HECTD2: variants seen among roughly 807,000 people sequenced by gnomAD.
HECTD2 encodes probable E3 ubiquitin-protein ligase HECTD2.
Under a neutral mutation model 103.2 loss-of-function variants are expected in HECTD2, and 35 were observed. That is an observed-to-expected ratio of 0.34 (90% confidence interval 0.26 to 0.45). The LOEUF (loss-of-function observed/expected upper bound fraction) is 0.45, where lower values mean the gene tolerates loss of function less well. HECTD2 is among the 20% of genes least tolerant of loss of function. HECTD2 has a pLI of 1.00. For synonymous variants in HECTD2, 281 were observed against 329.9 expected (o/e 0.85, Z 1.61); for missense variants, 596 against 937.4 (o/e 0.64, Z 4.76).
intron 12 of HECTD2, among the ~76,000 whole-genome samples, 197 bp downstream of exon 12, chr10:91,491,504 C>A (rs1846477267): frequency 6.6e-6 from 1 of 152,046 alleles, no homozygotes; most frequent in Non-Finnish European, 1.5e-5. Flanking sequence ...TCATAATTGT[C>A]TTATATTCAT....
At chr10:91,493,390 A>G in intron 13 of HECTD2, 30 bp from the exon 14 acceptor site, 1 of 1,256,980 alleles carries the variant, frequency 8.0e-7, no homozygotes, top group Non-Finnish European at 1.1e-6. Flanking sequence ...CAATCATGTT[A>G]ATAATAACAT....
chr10:91,494,697 A>G (rs1846602325), intron 14 of HECTD2, among the ~76,000 whole-genome samples: 1 of 152,020 alleles, frequency 6.6e-6, no homozygotes. Context: ...ACGCTTAACA[A>G]TTCTGAGACT....
chr10:91,469,381 CCCTATCAGGCT>C (rs1290324146), intron 5 of HECTD2, among the ~76,000 whole-genome samples: 3 of 152,174 alleles, frequency 2.0e-5, no homozygotes, highest in African/African-American at 7.2e-5. Context: ...CTAGTGAGAA[CCCTATCAGGCT>C]AACAGCAGAC....
intron 13 of HECTD2, 24 bp downstream of exon 13, chr10:91,492,508 T>C (rs775222235): frequency 6.4e-7 from 1 of 1,554,962 alleles, no homozygotes; most frequent in Non-Finnish European, 8.8e-7. Context: ...CTAATTTTTA[T>C]AAACTGTGTT....
At chr10:91,410,766 T>G (rs1842887664) in intron 1 of HECTD2, among the ~76,000 whole-genome samples, 190 bp downstream of exon 1, 1 of 152,164 alleles carries the variant, frequency 6.6e-6, no homozygotes, top group African/African-American at 2.4e-5. Context: ...CCCGAACACT[T>G]CGCGAGGTAC....
intron 14 of HECTD2, among the ~76,000 whole-genome samples, chr10:91,495,960 A>G (rs1347915632): frequency 6.6e-6 from 1 of 152,182 alleles, no homozygotes; most frequent in African/African-American, 2.4e-5. Flanking sequence ...GTGATCTTAG[A>G]TAAACTTTTC....
At chr10:91,470,361 C>G (rs1481596787) in intron 5 of HECTD2, among the ~76,000 whole-genome samples, 1 of 152,068 alleles carries the variant, frequency 6.6e-6, no homozygotes, top group Non-Finnish European at 1.5e-5. Context: ...TATCAACCAC[C>G]ATTGCACAAT....
chr10:91,479,594 C>T (rs1286916963), intron 6 of HECTD2, among the ~76,000 whole-genome samples: 10 of 152,104 alleles, frequency 6.6e-5, no homozygotes, highest in African/African-American at 2.4e-4. Context: ...TTTACCTAAC[C>T]ATTCTCCAAG....
chr10:91,417,395 A>G (rs1736800548), intron 1 of HECTD2, among the ~76,000 whole-genome samples: 1 of 151,852 alleles, frequency 6.6e-6, no homozygotes, highest in African/African-American at 2.4e-5. Context: ...TTACACTTTA[A>G]GTTTTAGGGT....
At position 91,410,427 on chromosome 10, in the gene HECTD2, G is replaced by T. The variant is rs1458474539; in HGVS notation, c.-12G>T. 1.4e-6 allele frequency: 2 copies of T among 1,383,026 alleles called. No homozygotes were observed. Among genetic ancestry groups the T allele is most frequent in the Non-Finnish European group, 1.9e-6 (2 of 1,070,834 alleles). 85.7% of individuals were successfully genotyped at this position (1,383,026 alleles called of 1,614,324 possible). A position where few individuals can be genotyped will look rare whatever the true frequency, so the allele number is the denominator to read the frequency against. Reference sequence around the variant, plus strand: ...GCCGCCGCCGCCTGGCGCTCCCGCCGCCCGGCCCGACATGAGTGAGGCGGT... The same window carrying T: ...GCCGCCGCCGCCTGGCGCTCCCGCCTCCCGGCCCGACATGAGTGAGGCGGT... On this transcript the variant is annotated 5_prime_UTR_variant, in exon 1 of 21. Transcript: ENST00000298068.
chr10:91,433,930 A>G (rs934377088), intron 2 of HECTD2, among the ~76,000 whole-genome samples: 4 of 152,002 alleles, frequency 2.6e-5, no homozygotes, highest in African/African-American at 9.7e-5. Context: ...TCTGTAAGGT[A>G]TGTCCAGATT....
chr10:91,496,104 AAGTC>A (rs1337266784), intron 14 of HECTD2, 106 bp from the exon 15 acceptor site: 5 of 589,922 alleles, frequency 8.5e-6, no homozygotes, highest in African/African-American at 7.5e-5. Flanking sequence ...ACTAATTAGA[AAGTC>A]AGTGTTAAAT....
chr10:91,511,296 G>A (rs1436868565), intron 20 of HECTD2, among the ~76,000 whole-genome samples: 2 of 152,060 alleles, frequency 1.3e-5, no homozygotes, highest in African/African-American at 2.4e-5. Context: ...TAGTAGGTGG[G>A]GGAGATGACA....
intron 2 of HECTD2, among the ~76,000 whole-genome samples, chr10:91,439,933 G>A (rs751864916): frequency 3.3e-5 from 5 of 152,120 alleles, no homozygotes; most frequent in African/African-American, 4.8e-5. Flanking sequence ...CACTGATTTT[G>A]TATCCTGAGA....
chr10:91,468,247 G>A (rs983152940), intron 5 of HECTD2, among the ~76,000 whole-genome samples: 16 of 152,084 alleles, frequency 1.1e-4, no homozygotes, highest in South Asian at 2.1e-4. Flanking sequence ...CCAGGGGCTC[G>A]GTACCAGCAC....
At chr10:91,456,134 G>A (rs1845079256) in intron 2 of HECTD2, among the ~76,000 whole-genome samples, 1 of 152,044 alleles carries the variant, frequency 6.6e-6, no homozygotes, top group Non-Finnish European at 1.5e-5. Context: ...CCTGATGGGG[G>A]GGTGGCATTG....
intron 2 of HECTD2, among the ~76,000 whole-genome samples, chr10:91,458,544 T>G (rs1452342467): frequency 6.6e-6 from 1 of 152,008 alleles, no homozygotes; most frequent in Non-Finnish European, 1.5e-5. Flanking sequence ...GCTACAATAA[T>G]CATACTGAGA....
intron 20 of HECTD2, among the ~76,000 whole-genome samples, chr10:91,507,936 G>T (rs1847260014): frequency 7.2e-6 from 1 of 138,658 alleles, no homozygotes; most frequent in African/African-American, 3.4e-5. Context: ...ATAGATCAGT[G>T]GAACAGAACA....
intron 12 of HECTD2, 76 bp downstream of exon 12, chr10:91,491,383 CTT>C: frequency 1.4e-6 from 1 of 700,488 alleles, no homozygotes; most frequent in Non-Finnish European, 2.3e-6. Flanking sequence ...TCATAGTAAA[CTT>C]TTTTATTTCT....
Sources: allele counts gnomAD v4.1 joint callset (sites outside exome capture counted in the v4.1 genomes callset), GRCh38; gene constraint gnomAD v4.1.1; transcripts MANE v1.5; gene names NCBI Gene and HGNC (gene_info 2026-07-23, HGNC 2026-07-21).